PTPRD: variants seen among roughly 807,000 people sequenced by gnomAD.
PTPRD encodes the protein protein tyrosine phosphatase receptor type D.
Under a neutral mutation model 214.5 loss-of-function variants are expected in PTPRD, and 34 were observed. The observed-to-expected ratio is 0.16, with a 90% confidence interval of 0.12 to 0.21. PTPRD has a LOEUF of 0.21. Ranked by LOEUF, PTPRD falls within the 10% of genes least tolerant of loss-of-function variation. The pLI is 1.00. For synonymous variants in PTPRD, 1,128 were observed against 845.7 expected (o/e 1.33, Z -5.79); for missense variants, 2,545 against 2,398.7 (o/e 1.06, Z -1.27).
chr9:8,958,944 A>G (rs2099145396), intron 11 of PTPRD: 1 of 151,916 alleles, frequency 6.6e-6, no homozygotes, highest in Non-Finnish European at 1.5e-5. Flanking sequence ...TTTTGTTTTA[A>G]GTTAGTTTGA....
rs529286235 is a variant in PTPRD, at chr9:9,971,187, A to G, written c.-471-32577T>C. On this transcript the variant is annotated intron_variant, in intron 4 of 45. Coordinates refer to ENST00000381196, the MANE Select transcript of PTPRD (RefSeq NM_002839.4). ...TGTGATTAACAATAAGCTAATTAAA[A>G]AAATAAAAACATCAGGTAAGATTTA... Among the ~76,000 whole-genome samples, 114 of 152,368 alleles carry G rather than the reference A, an allele frequency of 7.5e-4. 2 individuals carry two copies. The highest frequency in any genetic ancestry group is 2.3e-3 in the African/African-American group (96 of 41,592).
intron 6 of PTPRD, among the ~76,000 whole-genome samples, chr9:9,758,666 A>G (rs763559116): frequency 6.6e-6 from 1 of 152,008 alleles, no homozygotes; most frequent in Admixed American, 6.6e-5. Flanking sequence ...ACCAAGACAG[A>G]CAGCAGGGAA....
At chr9:10,029,106 T>C (rs1589252077) in intron 4 of PTPRD, among the ~76,000 whole-genome samples, 1 of 152,262 alleles carries the variant, frequency 6.6e-6, no homozygotes, top group Non-Finnish European at 1.5e-5. Flanking sequence ...GCAGCTTCCA[T>C]GTGGTGTTGA....
chr9:8,856,093 G>T (rs1164318615), intron 11 of PTPRD, among the ~76,000 whole-genome samples: 2 of 152,136 alleles, frequency 1.3e-5, no homozygotes, highest in Non-Finnish European at 2.9e-5. Context: ...TTGAAAATGT[G>T]TTCTCTTTTT....
chr9:9,700,032 A>G (rs757219524), intron 7 of PTPRD, among the ~76,000 whole-genome samples: 1 of 152,164 alleles, frequency 6.6e-6, no homozygotes, highest in Non-Finnish European at 1.5e-5. Context: ...TGAATAAGAA[A>G]ATAAATGACA....
chr9:10,220,823 T>C (rs2154348834), intron 3 of PTPRD, among the ~76,000 whole-genome samples: 1 of 152,036 alleles, frequency 6.6e-6, no homozygotes, highest in African/African-American at 2.4e-5. Context: ...CTTATAAATT[T>C]TATAAATGGC....
intron 4 of PTPRD, among the ~76,000 whole-genome samples, chr9:9,951,068 G>A (rs1450552279): frequency 2.0e-5 from 3 of 152,134 alleles, no homozygotes; most frequent in Non-Finnish European, 2.9e-5. Flanking sequence ...GCATGTAAAT[G>A]CGTCATAAGT....
chr9:9,272,539 A>ACTT (rs1437690755), intron 9 of PTPRD, among the ~76,000 whole-genome samples: 2 of 151,312 alleles, frequency 1.3e-5, no homozygotes, highest in Non-Finnish European at 3.0e-5. Context: ...TTTAAGGACA[A>ACTT]CTTTAAATGG....
chr9:8,628,551 C>T (rs760557871), intron 14 of PTPRD, among the ~76,000 whole-genome samples: 1 of 150,556 alleles, frequency 6.6e-6, no homozygotes, highest in Non-Finnish European at 1.5e-5. Context: ...TCACGGAAAG[C>T]TGGAGAGGGG....
At chr9:9,218,768 G>T (rs2099953939) in intron 9 of PTPRD, among the ~76,000 whole-genome samples, 1 of 152,074 alleles carries the variant, frequency 6.6e-6, no homozygotes, top group Non-Finnish European at 1.5e-5. Flanking sequence ...TACAAGCAAA[G>T]AGCAGCATTC....
intron 11 of PTPRD, among the ~76,000 whole-genome samples, chr9:8,854,056 T>C (rs1030412334): frequency 6.6e-6 from 1 of 152,194 alleles, no homozygotes; most frequent in Non-Finnish European, 1.5e-5. Flanking sequence ...GCACTTCATA[T>C]ATCTGGGCAT....
At position 10,237,472 on chromosome 9, in the gene PTPRD, G is replaced by C. The variant is rs542091428; in HGVS notation, c.-545+103491C>G. Among the ~76,000 whole-genome samples the C allele has an allele frequency of 5.9e-5, 9 of 152,044 alleles. No homozygotes were observed. In the East Asian group the frequency reaches 1.7e-3, roughly 30 times the overall value. On this transcript the variant is annotated intron_variant, in intron 3 of 45. Coordinates refer to ENST00000381196, the MANE Select transcript of PTPRD (RefSeq NM_002839.4). The stretch of plus-strand genomic sequence containing the variant: ...CTTAAGGGATACATACCAATAGGGA[G>C]AAGGAAGACTGTTGACAATTTATTC...
At chr9:10,142,501 G>T (rs993547704) in intron 3 of PTPRD, among the ~76,000 whole-genome samples, 2 of 152,080 alleles carry the variant, frequency 1.3e-5, no homozygotes, top group African/African-American at 4.8e-5. Flanking sequence ...AGACATTTAT[G>T]CATCCAAAAA....
At chr9:8,659,274 T>A (rs999855918) in intron 12 of PTPRD, among the ~76,000 whole-genome samples, 1 of 152,178 alleles carries the variant, frequency 6.6e-6, no homozygotes, top group Admixed American at 6.5e-5. Flanking sequence ...TGCAAGAATC[T>A]CAGGAGACTG....
At chr9:8,954,938 C>A (rs1386292274) in intron 11 of PTPRD, among the ~76,000 whole-genome samples, 1 of 151,832 alleles carries the variant, frequency 6.6e-6, no homozygotes, top group Non-Finnish European at 1.5e-5. Flanking sequence ...ATATAGACAA[C>A]CATGTTCTTT....
intron 7 of PTPRD, among the ~76,000 whole-genome samples, chr9:9,692,271 G>A (rs952185233): frequency 6.6e-6 from 1 of 151,976 alleles, no homozygotes; most frequent in African/African-American, 2.4e-5. Flanking sequence ...TTAGATTTAT[G>A]TCTGTAATCC....
intron 11 of PTPRD, among the ~76,000 whole-genome samples, chr9:8,823,162 T>C (rs1490539444): frequency 6.6e-6 from 1 of 152,158 alleles, no homozygotes; most frequent in African/African-American, 2.4e-5. Context: ...CCTAGTTTTC[T>C]TCTTACCACT....
intron 10 of PTPRD, among the ~76,000 whole-genome samples, chr9:9,181,577 A>G (rs573526534): frequency 1.3e-5 from 2 of 152,146 alleles, no homozygotes; most frequent in African/African-American, 4.8e-5. Flanking sequence ...AACTCATTTA[A>G]TCTTCACTAC....
intron 3 of PTPRD, among the ~76,000 whole-genome samples, chr9:10,329,136 G>C (rs564682999): frequency 2.0e-5 from 3 of 151,700 alleles, no homozygotes; most frequent in Non-Finnish European, 4.4e-5. Context: ...ATGAAGTGTG[G>C]TTTTATCTTT....
Sources: allele counts gnomAD v4.1 joint callset (sites outside exome capture counted in the v4.1 genomes callset), GRCh38; gene constraint gnomAD v4.1.1; transcripts MANE v1.5; gene names NCBI Gene and HGNC (gene_info 2026-07-23, HGNC 2026-07-21).